Variants in CDC42 observed in about 807,000 individuals in gnomAD.
CDC42 encodes cell division control protein 42 homolog.
CDC42 carries 1 observed loss-of-function variant against 20.8 expected under a neutral mutation model. The observed-to-expected ratio is 0.05, with a 90% CI of 0.02 to 0.23. CDC42 has a LOEUF of 0.23. CDC42 is among the 10% of genes least tolerant of loss of function. CDC42 has a pLI of 1.00. For missense variants in CDC42, 49 were observed against 227.9 expected (o/e 0.21, Z 5.05); for synonymous variants, 72 against 84.8 (o/e 0.85, Z 0.83).
At chr1:22,079,719 G>A (rs1334828260) in intron 2 of CDC42, among the ~76,000 whole-genome samples, 3 of 152,122 alleles carry the variant, frequency 2.0e-5, no homozygotes, top group Non-Finnish European at 4.4e-5. Flanking sequence ...GACATTTAGA[G>A]GTACATGAAT....
At position 22,098,507 on chromosome 1, in the gene CDC42, G is replaced by T. The variant is rs543671844; in HGVS notation, c.*6990G>T. Among the ~76,000 whole-genome samples the T allele has an allele frequency of 2.0e-5, 3 of 152,130 alleles. No individual in the cohort carries two copies. The highest frequency in any genetic ancestry group is 4.1e-4 in the South Asian group (2 of 4,826). ...TTGAAACTTTGAAAAAGTTAAAAGGGTTCTGTGTAATGTTACCTAAGAAGC... is the reference window on the plus strand; with the variant it reads ...TTGAAACTTTGAAAAAGTTAAAAGGTTTCTGTGTAATGTTACCTAAGAAGC... On this transcript the variant is annotated 3_prime_UTR_variant, in exon 6 of 6. Coordinates refer to ENST00000656825, the MANE Select transcript of CDC42 (RefSeq NM_001791.4).
At chr1:22,060,692 A>G (rs560161133) in intron 1 of CDC42, among the ~76,000 whole-genome samples, 1 of 152,342 alleles carries the variant, frequency 6.6e-6, no homozygotes, top group Non-Finnish European at 1.5e-5. Context: ...AGGGATTTTC[A>G]TTACAACTTT....
chr1:22,055,413 T>C (rs1645294137), intron 1 of CDC42, among the ~76,000 whole-genome samples: 1 of 151,940 alleles, frequency 6.6e-6, no homozygotes, highest in South Asian at 2.1e-4. Flanking sequence ...CCTGTCCGTA[T>C]TAAACTTAAT....
chr1:22,060,224 G>T lies in CDC42; in HGVS notation c.-51+7482G>T, dbSNP rs16826276. Among the ~76,000 whole-genome samples the T allele has an allele frequency of 3.1e-3, 479 of 152,178 alleles. 5 individuals carry two copies. The highest frequency in any genetic ancestry group is 0.011 in the African/African-American group (465 of 41,508). ...ATGGTGGCATGCACCTGTAATCCCAGCTACTTGAGAGGCTGAGGCACGAGA... is the reference window on the plus strand; with the variant it reads ...ATGGTGGCATGCACCTGTAATCCCATCTACTTGAGAGGCTGAGGCACGAGA... On this transcript the variant is annotated intron_variant, in intron 1 of 5. Transcript: ENST00000656825.
chr1:22,084,271 T>C (rs1225003117), intron 3 of CDC42, among the ~76,000 whole-genome samples: 7 of 151,910 alleles, frequency 4.6e-5, no homozygotes, highest in Non-Finnish European at 1.5e-5. Context: ...TCCCATTTTA[T>C]ATTCCTACCA....
chr1:22,088,289 T>C (rs1645681161), intron 5 of CDC42, among the ~76,000 whole-genome samples: 1 of 152,254 alleles, frequency 6.6e-6, no homozygotes, highest in South Asian at 2.1e-4. Context: ...TCTCTAGATA[T>C]GGGTTGCTTT....
chr1:22,056,740 G>A (rs921444516), intron 1 of CDC42, among the ~76,000 whole-genome samples: 4 of 152,224 alleles, frequency 2.6e-5, no homozygotes, highest in African/African-American at 9.6e-5. Flanking sequence ...CACCAATGTG[G>A]CGTCCCTTTT....
chr1:22,073,509 A>C (rs1341545330), intron 1 of CDC42, among the ~76,000 whole-genome samples: 1 of 151,902 alleles, frequency 6.6e-6, no homozygotes, highest in Non-Finnish European at 1.5e-5. Flanking sequence ...ATTGCACTCC[A>C]GCCTGGGTGA....
chr1:22,061,949 T>G (rs1412348906), intron 1 of CDC42, among the ~76,000 whole-genome samples: 1 of 151,884 alleles, frequency 6.6e-6, no homozygotes, highest in Non-Finnish European at 1.5e-5. Flanking sequence ...TTTATTTCTT[T>G]TTTTTGGAGA....
At chr1:22,078,013 T>C (rs1170324392) in intron 1 of CDC42, among the ~76,000 whole-genome samples, 2 of 152,238 alleles carry the variant, frequency 1.3e-5, no homozygotes, top group South Asian at 2.1e-4. Context: ...AACCATTCTT[T>C]AAAGCAGTGG....
chr1:22,069,613 C>CT (rs56218067), intron 1 of CDC42, among the ~76,000 whole-genome samples: 33 of 109,746 alleles, frequency 3.0e-4, no homozygotes, highest in South Asian at 5.7e-4. Flanking sequence ...CATGCCACCA[C>CT]TTTTTTTTTT....
At chr1:22,063,608 A>G (rs528896702) in intron 1 of CDC42, among the ~76,000 whole-genome samples, 7 of 152,330 alleles carry the variant, frequency 4.6e-5, no homozygotes, top group South Asian at 4.1e-4. Context: ...AACTGCACAC[A>G]TACCAGCACA....
At chr1:22,065,000 A>G (rs1214843440) in intron 1 of CDC42, among the ~76,000 whole-genome samples, 1 of 152,162 alleles carries the variant, frequency 6.6e-6, no homozygotes, top group Non-Finnish European at 1.5e-5. Flanking sequence ...GCATATTTGG[A>G]TTATTTCACG....
At chr1:22,086,887 C>T in intron 5 of CDC42, 21 bp downstream of exon 5, 1 of 1,596,028 alleles carries the variant, frequency 6.3e-7, no homozygotes, top group Non-Finnish European at 8.6e-7. Flanking sequence ...CATGAAACCC[C>T]ATGTGTATTT....
rs139030684 is a variant in CDC42, at chr1:22,093,324, G to C, written c.*1807G>C. Among the ~76,000 whole-genome samples the C allele has an allele frequency of 1.5e-3, 232 of 152,288 alleles. 1 individual carries two copies. Among genetic ancestry groups the C allele is most frequent in the Middle Eastern group, 6.8e-3 (2 of 294 alleles). On this transcript the variant is annotated 3_prime_UTR_variant, in exon 6 of 6. Coordinates refer to ENST00000656825, the MANE Select transcript of CDC42 (RefSeq NM_001791.4). ...TCAGTGGTTCTCCAACTGGAGTGCA[G>C]CTTGAACAATGTGATTTTTAAGTTT... is the stretch of plus-strand genomic sequence containing the variant.
chr1:22,090,268 C>T (rs1326400492), intron 5 of CDC42: 27 of 1,197,164 alleles, frequency 2.3e-5, no homozygotes, highest in Non-Finnish European at 2.8e-5. Context: ...TTGCCTGATG[C>T]TCAGAGCTTT....
intron 1 of CDC42, among the ~76,000 whole-genome samples, chr1:22,073,272 C>T (rs181966789): frequency 3.7e-4 from 56 of 152,260 alleles, no homozygotes; most frequent in African/African-American, 1.2e-3. Context: ...TGCAATGGCT[C>T]GTGCCTGTAA....
At chr1:22,081,661 G>T in intron 2 of CDC42, 61 bp from the exon 3 acceptor site, 1 of 1,003,456 alleles carries the variant, frequency 1.0e-6, no homozygotes, top group South Asian at 1.3e-5. Context: ...CTTAAGAGTT[G>T]TCCTGTCCCA....
intron 5 of CDC42, chr1:22,090,811 C>G: frequency 1.0e-6 from 1 of 984,896 alleles, no homozygotes; most frequent in Non-Finnish European, 1.2e-6. Flanking sequence ...GTATAAATGC[C>G]TGATGAAGCT....
Sources: allele counts gnomAD v4.1 joint callset (sites outside exome capture counted in the v4.1 genomes callset), GRCh38; gene constraint gnomAD v4.1.1; transcripts MANE v1.5; gene names NCBI Gene and HGNC (gene_info 2026-07-23, HGNC 2026-07-21).